Variants in DGKH observed in about 807,000 individuals in gnomAD.
DGKH encodes DAG kinase eta.
DGKH carries 90 observed loss-of-function variants against 159.3 expected under a neutral mutation model. That is an observed-to-expected ratio of 0.57 (90% CI 0.48 to 0.67). DGKH has a LOEUF of 0.67. DGKH is among the 30% of genes least tolerant of loss of function. The pLI, the probability that DGKH is intolerant of heterozygous loss-of-function variation, is 0.00. For synonymous variants in DGKH, 536 were observed against 553.8 expected, an observed-to-expected ratio of 0.97 and a Z score of 0.45; for missense variants, 1,181 against 1,506.1, an observed-to-expected ratio of 0.78 and a Z score of 3.57.
chr13:42,155,768 T>C lies in DGKH; in HGVS notation c.591T>C (p.Ser197=). Residue 197 remains serine (S), a synonymous_variant, in exon 5 of 30, where the codon TCT becomes TCC. Coordinates refer to ENST00000337343, the MANE Select transcript of DGKH (RefSeq NM_178009.5). ...TFCNVCRESL[S]GVTSHGLSCE... ...GTAACGTGTGCAGAGAGAGTCTTTCTGGAGTCACCTCCCATGGCCTGTCCT... is the reference window on the plus strand; with the variant it reads ...GTAACGTGTGCAGAGAGAGTCTTTCCGGAGTCACCTCCCATGGCCTGTCCT... 1 of 1,614,182 alleles carries C rather than the reference T, an allele frequency of 6.2e-7. No homozygotes were observed. The highest frequency in any genetic ancestry group is 8.5e-7 in the Non-Finnish European group (1 of 1,180,018).
At chr13:42,090,507 C>G (rs1954395552) in intron 1 of DGKH, among the ~76,000 whole-genome samples, 1 of 152,076 alleles carries the variant, frequency 6.6e-6, no homozygotes, top group Non-Finnish European at 1.5e-5. Context: ...AACTTATAAA[C>G]TACAATAATG....
intron 1 of DGKH, chr13:42,069,713 C>A: frequency 8.9e-7 from 1 of 1,118,310 alleles, no homozygotes; most frequent in South Asian, 1.5e-5. Flanking sequence ...ACTTCATTCT[C>A]TCTCCAAACT....
intron 2 of DGKH, 36 bp from the exon 3 acceptor site, chr13:42,129,516 C>T: frequency 1.3e-6 from 2 of 1,547,194 alleles, no homozygotes; most frequent in Non-Finnish European, 1.8e-6. Flanking sequence ...GTTAGGTTTT[C>T]TTCTAATGTC....
intron 1 of DGKH, among the ~76,000 whole-genome samples, chr13:42,125,737 A>G (rs1430204491): frequency 6.6e-6 from 1 of 152,232 alleles, no homozygotes; most frequent in African/African-American, 2.4e-5. Context: ...ACTTTTCTCA[A>G]TATATTATGT....
intron 2 of DGKH, among the ~76,000 whole-genome samples, chr13:42,127,805 G>T (rs1170158): frequency 0.8 from 122,129 of 152,158 alleles, 49,453 homozygotes; most frequent in African/African-American, 0.88. Context: ...GTTTCATTTC[G>T]TTCTTCCTTT....
At chr13:42,158,533 T>TC (rs1956098480) in intron 5 of DGKH, among the ~76,000 whole-genome samples, 1 of 152,230 alleles carries the variant, frequency 6.6e-6, no homozygotes, top group Non-Finnish European at 1.5e-5. Flanking sequence ...CTGCTTTTTT[T>TC]CCCTAGTTAT....
intron 1 of DGKH, among the ~76,000 whole-genome samples, chr13:42,081,340 C>T (rs1045987780): frequency 3.9e-5 from 6 of 152,096 alleles, no homozygotes; most frequent in African/African-American, 1.4e-4. Flanking sequence ...AGCGATTCTC[C>T]TACCTCAGCC....
intron 14 of DGKH, among the ~76,000 whole-genome samples, chr13:42,188,480 G>A (rs1008240965): frequency 2.0e-5 from 3 of 152,116 alleles, no homozygotes; most frequent in South Asian, 2.1e-4. Context: ...GCAAACCAAA[G>A]CTTTGAAGGG....
At chr13:42,094,249 C>T (rs915093163) in intron 1 of DGKH, among the ~76,000 whole-genome samples, 2 of 151,870 alleles carry the variant, frequency 1.3e-5, no homozygotes, top group Non-Finnish European at 2.9e-5. Context: ...GCACCTGTAC[C>T]CTAAAACTTA....
At chr13:42,119,185 G>T (rs1315148856) in intron 1 of DGKH, among the ~76,000 whole-genome samples, 3 of 152,184 alleles carry the variant, frequency 2.0e-5, no homozygotes, top group Non-Finnish European at 2.9e-5. Flanking sequence ...GGCAGTGGCT[G>T]CAGGCTTCCC....
At position 42,232,202 on chromosome 13, in the gene DGKH, A is replaced by C. The variant is rs1314615854; in HGVS notation, c.*3014A>C. On this transcript the variant is annotated 3_prime_UTR_variant, in exon 30 of 30. Coordinates refer to ENST00000337343, the MANE Select transcript of DGKH (RefSeq NM_178009.5). ...TTTGATCTATGCATGAGCTGGGGTG[A>C]GAAGTTCCCACCTGCACCTGACTGC... 1 of 152,254 alleles carries C rather than the reference A, an allele frequency of 6.6e-6. No individual in the cohort carries two copies. The highest frequency in any genetic ancestry group is 1.5e-5 in the Non-Finnish European group (1 of 68,150). The allele number at this position is 152,254 out of a possible 1,614,324, so 9.4% of individuals were successfully genotyped here.
chr13:42,141,899 A>G lies in DGKH; in HGVS notation c.384+12267A>G, dbSNP rs556920850. Among the ~76,000 whole-genome samples the G allele has an allele frequency of 2.7e-4, 41 of 151,682 alleles. No homozygotes were observed. The South Asian group carries it at 7.9e-3, about 29-fold the overall frequency. On this transcript the variant is annotated intron_variant, in intron 3 of 29. Coordinates refer to ENST00000337343, the MANE Select transcript of DGKH (RefSeq NM_178009.5). ...TGCTGTGCAGAAGCTCTTTAGTTTAATTAGATCCCATTTGTCAATTTTGGC... is the reference window on the plus strand; with the variant it reads ...TGCTGTGCAGAAGCTCTTTAGTTTAGTTAGATCCCATTTGTCAATTTTGGC...
At chr13:42,073,529 G>A (rs1433588257) in intron 1 of DGKH, among the ~76,000 whole-genome samples, 1 of 152,180 alleles carries the variant, frequency 6.6e-6, no homozygotes, top group Admixed American at 6.5e-5. Context: ...ATCCAACACT[G>A]TATTATAAAA....
At chr13:42,207,189 CCTT>C (rs1957528169) in intron 21 of DGKH, among the ~76,000 whole-genome samples, 2 of 91,140 alleles carry the variant, frequency 2.2e-5, no homozygotes, top group African/African-American at 8.8e-5. Context: ...TTCCTTCCTT[CCTT>C]CCTTCTTTCT....
At chr13:42,098,703 A>G (rs1457242815) in intron 1 of DGKH, among the ~76,000 whole-genome samples, 2 of 152,336 alleles carry the variant, frequency 1.3e-5, no homozygotes, top group African/African-American at 4.8e-5. Flanking sequence ...AATACAAATA[A>G]TTTAATCTTA....
chr13:42,117,162 A>G lies in DGKH; in HGVS notation c.193-10301A>G, dbSNP rs1438257378. Among the ~76,000 whole-genome samples, 7 of 152,360 alleles carry G rather than the reference A, an allele frequency of 4.6e-5. No individual in the cohort carries two copies. The East Asian group carries it at 1.3e-3, about 29-fold the overall frequency. On this transcript the variant is annotated intron_variant, in intron 1 of 29. Transcript: ENST00000337343. ...TTTGTGAACAAAGTAAAACTAAAAC[A>G]TACTTGCTTTTAACAGATTCTTAAC...
intron 1 of DGKH, chr13:42,069,804 A>C: frequency 9.4e-7 from 1 of 1,059,642 alleles, no homozygotes; most frequent in Non-Finnish European, 1.4e-6. Flanking sequence ...TGTTTTCATG[A>C]TGATCTGGGT....
At chr13:42,208,041 G>T (rs961992108) in intron 21 of DGKH, among the ~76,000 whole-genome samples, 2 of 152,198 alleles carry the variant, frequency 1.3e-5, no homozygotes, top group South Asian at 4.1e-4. Flanking sequence ...AATGTTCTAA[G>T]AGCTTCACAT....
At chr13:42,159,128 T>G (rs1434113450) in intron 5 of DGKH, 138 bp from the exon 6 acceptor site, 4 of 546,776 alleles carry the variant, frequency 7.3e-6, no homozygotes, top group Non-Finnish European at 1.3e-5. Flanking sequence ...GCAGAATAAT[T>G]TAATCTTTTA....
Sources: gnomAD v4.1 joint callset for allele counts (sites outside exome capture counted in the v4.1 genomes callset) on GRCh38, gnomAD v4.1.1 for gene constraint, MANE v1.5 for transcripts, NCBI Gene and HGNC (gene_info 2026-07-23, HGNC 2026-07-21) for gene names.